PHF24: variants seen among roughly 807,000 people sequenced by gnomAD.
PHF24 encodes Galpha inhibitory interacting protein.
PHF24 carries 25 observed loss-of-function variants against 42.6 expected under a neutral mutation model. The observed-to-expected ratio is 0.59, with a 90% CI of 0.43 to 0.82. PHF24 has a LOEUF of 0.82. Ranked by LOEUF, PHF24 falls within the 40% of genes least tolerant of loss-of-function variation. PHF24 has a pLI of 0.00. For synonymous variants in PHF24, 185 were observed against 204.8 expected (o/e 0.90, Z 0.83); for missense variants, 470 against 538.1 (o/e 0.87, Z 1.25).
chr9:34,909,768 T>TGC, the PHF24 span, among the ~76,000 whole-genome samples: 12 of 152,118 alleles, frequency 7.9e-5, no homozygotes, highest in Admixed American at 6.5e-4. Flanking sequence ...ACTACAGGCA[T>TGC]CCGCCACCAT....
chr9:34,976,359 A>T, intron 4 of PHF24, 129 bp downstream of exon 4: 1 of 988,602 alleles, frequency 1.0e-6, no homozygotes. Flanking sequence ...CTTGTTCCTG[A>T]GTTGTTGGCC....
the PHF24 span, among the ~76,000 whole-genome samples, chr9:34,904,639 A>G: frequency 2.0e-5 from 3 of 151,408 alleles, no homozygotes; most frequent in East Asian, 3.9e-4. Context: ...TATTTTGTTA[A>G]GGATTTTAGC....
At chr9:34,905,196 C>G in the PHF24 span, among the ~76,000 whole-genome samples, 350 of 152,244 alleles carry the variant, frequency 2.3e-3, 1 homozygote, top group African/African-American at 8.0e-3. Context: ...GGTTCTGATT[C>G]CCCTCGTTAG....
At chr9:34,765,184 G>C in the PHF24 span, among the ~76,000 whole-genome samples, 2 of 152,050 alleles carry the variant, frequency 1.3e-5, no homozygotes, top group African/African-American at 4.8e-5. Context: ...CTGTTGATTT[G>C]GGGTGGAGAG....
At chr9:34,686,656 G>A in the PHF24 span, among the ~76,000 whole-genome samples, 1 of 152,168 alleles carries the variant, frequency 6.6e-6, no homozygotes, top group African/African-American at 2.4e-5. Context: ...GATATTGGCT[G>A]CTGAGATATT....
the PHF24 span, among the ~76,000 whole-genome samples, chr9:34,674,442 A>G: frequency 6.6e-6 from 1 of 152,284 alleles, no homozygotes; most frequent in African/African-American, 2.4e-5. Flanking sequence ...GTAAATGTCC[A>G]GATAGTAAAT....
At chr9:34,865,834 A>G in the PHF24 span, among the ~76,000 whole-genome samples, 2 of 152,342 alleles carry the variant, frequency 1.3e-5, no homozygotes, top group South Asian at 4.1e-4. Context: ...TGGACTGAGA[A>G]CTTCAGTTCC....
chr9:34,934,274 T>C, the PHF24 span, among the ~76,000 whole-genome samples: 1 of 152,264 alleles, frequency 6.6e-6, no homozygotes, highest in African/African-American at 2.4e-5. Context: ...CACAAGTCTA[T>C]GGTGAGGGGG....
At chr9:34,957,006 CCT>C (rs1826390736), upstream of PHF24, among the ~76,000 whole-genome samples, 1 of 152,194 alleles carries the variant, frequency 6.6e-6, no homozygotes, top group Non-Finnish European at 1.5e-5. Context: ...AGTTGTTTAA[CCT>C]CTCTTTGCCT....
the PHF24 span, chr9:34,895,140 A>G: frequency 1.0e-5 from 4 of 398,416 alleles, no homozygotes; most frequent in Admixed American, 8.8e-5. Flanking sequence ...TCCCATATCT[A>G]AAATGAAACA....
chr9:34,937,250 G>GT, the PHF24 span, among the ~76,000 whole-genome samples: 2 of 152,328 alleles, frequency 1.3e-5, no homozygotes, highest in South Asian at 2.1e-4. Flanking sequence ...GATGGTTGCC[G>GT]TGTCTGTGTA....
chr9:34,813,299 G>A, the PHF24 span, among the ~76,000 whole-genome samples: 1 of 152,116 alleles, frequency 6.6e-6, no homozygotes, highest in African/African-American at 2.4e-5. Context: ...CATATGCATT[G>A]CTACCTGACA....
chr9:34,706,028 G>A, the PHF24 span, among the ~76,000 whole-genome samples: 165 of 152,160 alleles, frequency 1.1e-3, 1 homozygote, highest in Non-Finnish European at 2.0e-3. Context: ...GAAAGGCAAT[G>A]TCAAGATAGA....
chr9:34,837,297 T>A, the PHF24 span: 1 of 352,928 alleles, frequency 2.8e-6, no homozygotes, highest in South Asian at 2.3e-5. Flanking sequence ...CTTGTTCTTC[T>A]GTGCCCATTC....
At chr9:34,900,251 T>C in the PHF24 span, among the ~76,000 whole-genome samples, 1 of 152,098 alleles carries the variant, frequency 6.6e-6, no homozygotes, top group Non-Finnish European at 1.5e-5. Context: ...ATGACCAATA[T>C]TGAGAATGAG....
intron 4 of PHF24, 131 bp from the exon 5 acceptor site, chr9:34,976,404 A>G: frequency 1.8e-6 from 2 of 1,081,470 alleles, no homozygotes; most frequent in Non-Finnish European, 2.7e-6. Flanking sequence ...AGCCTGGGTG[A>G]CCCTGGCCAT....
At chr9:34,828,941 A>ATATCTATATCTT in the PHF24 span, among the ~76,000 whole-genome samples, 36 of 152,100 alleles carry the variant, frequency 2.4e-4, no homozygotes, top group African/African-American at 8.2e-4. Context: ...ATCTATATCT[A>ATATCTATATCTT]TATCTATGTC....
chr9:34,681,448 C>A, the PHF24 span: 1 of 22,854 alleles, frequency 4.4e-5, no homozygotes, highest in South Asian at 1.3e-3. Flanking sequence ...TGTCCCCCCC[C>A]AAATTCGTAT....
At chr9:34,940,949 C>T in the PHF24 span, among the ~76,000 whole-genome samples, 569 of 152,222 alleles carry the variant, frequency 3.7e-3, 4 homozygotes, top group African/African-American at 0.013. Context: ...TGGTGGGAGG[C>T]ATAGCTTATA....
Sources: allele counts gnomAD v4.1 joint callset (sites outside exome capture counted in the v4.1 genomes callset), GRCh38; gene constraint gnomAD v4.1.1; transcripts MANE v1.5; gene names NCBI Gene and HGNC (gene_info 2026-07-23, HGNC 2026-07-21).